The following EFCAB11 variants were observed in gnomAD, a reference collection of about 807,000 sequenced individuals.
EFCAB11 encodes the protein EF-hand calcium binding domain 11, also known as EF-hand calcium-binding domain-containing protein 11.
In EFCAB11, 14 loss-of-function variants were observed where a neutral mutation model predicts 23.0. That is an observed-to-expected ratio of 0.61 (90% CI 0.40 to 0.95). EFCAB11 has a LOEUF of 0.95. Among genes scored for constraint, EFCAB11 ranks in the 40% least tolerant of loss-of-function variants. The pLI is 0.00. For synonymous variants in EFCAB11, 65 were observed against 66.6 expected (o/e 0.98, Z 0.11); for missense variants, 198 against 195.8 (o/e 1.01, Z -0.07).
chr14:89,842,471 A>T (rs1010886271), intron 5 of EFCAB11, among the ~76,000 whole-genome samples: 5 of 152,208 alleles, frequency 3.3e-5, no homozygotes, highest in African/African-American at 4.8e-5. Flanking sequence ...GCTACTCAGG[A>T]GGCTGAGGTG....
intron 5 of EFCAB11, among the ~76,000 whole-genome samples, chr14:89,884,347 G>A (rs990985199): frequency 2.0e-5 from 3 of 152,122 alleles, no homozygotes; most frequent in Admixed American, 6.5e-5. Context: ...ATTTATTCAT[G>A]ATAAAATTTC....
At position 89,893,786 on chromosome 14, in the gene EFCAB11, A is replaced by AAC. The variant is rs1555375055; in HGVS notation, c.410+37754_410+37755insGT. On this transcript the variant is annotated intron_variant, in intron 5 of 5. Transcript: ENST00000316738. ...TCTGCACACTCGTCTCCAAAAAAAA[A>AAC]AAACAAACAAACAAAAAAAAAGATA... Among the ~76,000 whole-genome samples the AAC allele has an allele frequency of 8.1e-3, 1,230 of 151,278 alleles. 8 individuals are homozygous for AAC. The highest frequency in any genetic ancestry group is 0.012 in the African/African-American group (501 of 41,272).
chr14:89,933,919 C>T (rs1269923812), intron 3 of EFCAB11, among the ~76,000 whole-genome samples: 3 of 152,150 alleles, frequency 2.0e-5, no homozygotes, highest in Non-Finnish European at 2.9e-5. Context: ...TGAGACAATA[C>T]CAACTGCCTA....
At chr14:89,946,344 A>G (rs964256373) in intron 3 of EFCAB11, among the ~76,000 whole-genome samples, 1 of 152,168 alleles carries the variant, frequency 6.6e-6, no homozygotes, top group Non-Finnish European at 1.5e-5. Flanking sequence ...TGTTCAGTAC[A>G]GTATATATTT....
At chr14:89,945,929 T>TTA (rs1159169468) in intron 3 of EFCAB11, among the ~76,000 whole-genome samples, 2 of 151,512 alleles carry the variant, frequency 1.3e-5, no homozygotes, top group African/African-American at 4.9e-5. Context: ...TTTTTTATTT[T>TTA]TTTTTTTGAG....
chr14:89,941,039 G>A (rs1012313119), intron 3 of EFCAB11, among the ~76,000 whole-genome samples: 3 of 152,184 alleles, frequency 2.0e-5, no homozygotes, highest in Non-Finnish European at 2.9e-5. Flanking sequence ...GAGAAAAGAT[G>A]AAGCAACAGC....
At chr14:89,887,163 A>G (rs1283480328) in intron 5 of EFCAB11, among the ~76,000 whole-genome samples, 2 of 152,204 alleles carry the variant, frequency 1.3e-5, no homozygotes, top group African/African-American at 4.8e-5. Flanking sequence ...CAGATAGACA[A>G]TAAGGAAACA....
chr14:89,940,420 T>C (rs1386838122), intron 3 of EFCAB11, among the ~76,000 whole-genome samples: 1 of 152,192 alleles, frequency 6.6e-6, no homozygotes. Flanking sequence ...AATAATACCT[T>C]TAATAGTCAA....
chr14:89,806,570 T>C (rs1254048043), intron 5 of EFCAB11, among the ~76,000 whole-genome samples: 1 of 152,168 alleles, frequency 6.6e-6, no homozygotes, highest in Non-Finnish European at 1.5e-5. Context: ...TTTCCTACAC[T>C]TCTGAGTCAC....
At chr14:89,886,517 C>CAAAA (rs762288481) in intron 5 of EFCAB11, among the ~76,000 whole-genome samples, 7 of 14,900 alleles carry the variant, frequency 4.7e-4, no homozygotes, top group Admixed American at 1.3e-3. Context: ...AACTCCGTCT[C>CAAAA]AAAAAAAAAA....
chr14:89,837,399 T>C (rs1887120822), intron 5 of EFCAB11, among the ~76,000 whole-genome samples: 1 of 152,086 alleles, frequency 6.6e-6, no homozygotes, highest in Non-Finnish European at 1.5e-5. Flanking sequence ...ATGGCTACTT[T>C]CCTCCAGATA....
At chr14:89,876,235 T>C (rs959842446) in intron 5 of EFCAB11, among the ~76,000 whole-genome samples, 11 of 152,058 alleles carry the variant, frequency 7.2e-5, no homozygotes, top group Non-Finnish European at 1.3e-4. Context: ...ATTACTAGCA[T>C]CAGTGGTGGT....
chr14:89,935,415 T>C (rs77869886), intron 3 of EFCAB11, among the ~76,000 whole-genome samples: 29 of 141,608 alleles, frequency 2.0e-4, no homozygotes, highest in East Asian at 1.0e-3. Flanking sequence ...TTTTTTTTTT[T>C]CCTAGAGACA....
intron 5 of EFCAB11, among the ~76,000 whole-genome samples, chr14:89,883,819 G>A (rs1320279770): frequency 6.6e-6 from 1 of 152,074 alleles, no homozygotes; most frequent in Non-Finnish European, 1.5e-5. Flanking sequence ...ACAGCATTGT[G>A]GAATCTACTA....
chr14:89,890,060 T>C (rs1888914445), intron 5 of EFCAB11, among the ~76,000 whole-genome samples: 1 of 152,222 alleles, frequency 6.6e-6, no homozygotes, highest in African/African-American at 2.4e-5. Context: ...AGTTAATCAA[T>C]TATTTTGTCG....
intron 5 of EFCAB11, among the ~76,000 whole-genome samples, chr14:89,839,588 C>T (rs1365935599): frequency 6.6e-6 from 1 of 152,082 alleles, no homozygotes; most frequent in African/African-American, 2.4e-5. Context: ...GTTTGGCAGG[C>T]AGCTTGTATT....
At chr14:89,920,335 C>A (rs1889983501) in intron 5 of EFCAB11, among the ~76,000 whole-genome samples, 1 of 152,196 alleles carries the variant, frequency 6.6e-6, no homozygotes, top group African/African-American at 2.4e-5. Context: ...GCTCTTAGGG[C>A]AGAGTGAATA....
At chr14:89,926,654 A>G (rs952122341) in intron 5 of EFCAB11, among the ~76,000 whole-genome samples, 1 of 152,252 alleles carries the variant, frequency 6.6e-6, no homozygotes, top group African/African-American at 2.4e-5. Flanking sequence ...AAAATTAGCA[A>G]AAAACTTAAA....
intron 5 of EFCAB11, among the ~76,000 whole-genome samples, chr14:89,886,126 AGGCAGCCTGTG>A (rs1888764860): frequency 6.6e-6 from 1 of 152,228 alleles, no homozygotes. Flanking sequence ...TCAAATCTGA[AGGCAGCCTGTG>A]GGCAGAACTG....
Sources: allele counts gnomAD v4.1 joint callset (sites outside exome capture counted in the v4.1 genomes callset), GRCh38; gene constraint gnomAD v4.1.1; transcripts MANE v1.5; gene names NCBI Gene and HGNC (gene_info 2026-07-23, HGNC 2026-07-21).